PHF14: variants seen among roughly 807,000 people sequenced by gnomAD.
The protein encoded by PHF14 is PHD finger protein 14.
In PHF14, 55 loss-of-function variants were observed where a neutral mutation model predicts 117.9. The observed-to-expected ratio is 0.47, with a 90% CI of 0.38 to 0.58. The LOEUF (loss-of-function observed/expected upper bound fraction) is 0.58, where lower values mean the gene tolerates loss of function less well. PHF14 is among the 20% of genes least tolerant of loss of function. The probability of loss-of-function intolerance (pLI) is 0.00; values close to 1 mark genes in which losing one functional copy is unlikely to be tolerated. For synonymous variants in PHF14, 409 were observed against 368.6 expected (o/e 1.11, Z -1.26); for missense variants, 978 against 1,122.2 (o/e 0.87, Z 1.84).
chr7:11,113,201 A>G (rs779401364), intron 17 of PHF14, among the ~76,000 whole-genome samples: 6 of 152,086 alleles, frequency 3.9e-5, no homozygotes, highest in Admixed American at 1.3e-4. Context: ...TACTATAAAT[A>G]TGTAGTATTA....
At position 11,007,312 on chromosome 7, in the gene PHF14, C is replaced by T. The variant is rs193125172; in HGVS notation, c.1046-6435C>T. ...TGTTATATGTGTTGCAAATATTTTC[C>T]ATCCTTGCAAATGTTTTTTATGTTT... is the stretch of plus-strand genomic sequence containing the variant. On this transcript the variant is annotated intron_variant, in intron 4 of 17. Transcript: ENST00000634607. Among the ~76,000 whole-genome samples, 23 of 151,774 alleles carry T rather than the reference C, an allele frequency of 1.5e-4. No homozygotes were observed. In the East Asian group the frequency reaches 3.9e-3, roughly 25 times the overall value.
intron 16 of PHF14, chr7:11,107,507 C>A: frequency 1.1e-6 from 1 of 875,758 alleles, no homozygotes; most frequent in Non-Finnish European, 1.4e-6. Flanking sequence ...ATTGGGATTC[C>A]TTTATGCTCT....
At position 11,042,779 on chromosome 7, in the gene PHF14, T is replaced by A; in HGVS notation, c.2277T>A (p.Leu759=). The A allele has an allele frequency of 6.3e-7, 1 of 1,587,262 alleles. No homozygotes were observed. The change falls in exon 13 of 18, where the codon CTT becomes CTA. Residue 759 remains leucine (L), a synonymous_variant. Transcript: ENST00000634607. ...ATCTTGGATGTCTGGATCCTCCTCTTACAAGGATGCCAAGAAAGACCAAAA... is the reference window on the plus strand; with the variant it reads ...ATCTTGGATGTCTGGATCCTCCTCTAACAAGGATGCCAAGAAAGACCAAAA... ...HYHLGCLDPP[L]TRMPRKTKNS...
At chr7:11,047,311 G>T (rs1410655057) in intron 13 of PHF14, among the ~76,000 whole-genome samples, 1 of 151,764 alleles carries the variant, frequency 6.6e-6, no homozygotes, top group Non-Finnish European at 1.5e-5. Flanking sequence ...CTCATGATCC[G>T]CCTGCCTTGG....
chr7:10,985,716 G>C (rs1782201742), intron 3 of PHF14, among the ~76,000 whole-genome samples: 1 of 121,350 alleles, frequency 8.2e-6, no homozygotes, highest in South Asian at 2.9e-4. Flanking sequence ...ACAGTGGCAT[G>C]ATCTCGGCTC....
intron 3 of PHF14, among the ~76,000 whole-genome samples, chr7:10,986,183 T>A (rs1782222375): frequency 6.6e-6 from 1 of 150,406 alleles, no homozygotes; most frequent in Non-Finnish European, 1.5e-5. Flanking sequence ...GGTATATCAC[T>A]ATGTTGCCCA....
chr7:11,077,684 G>A (rs1278684649), intron 16 of PHF14, among the ~76,000 whole-genome samples: 2 of 149,962 alleles, frequency 1.3e-5, no homozygotes, highest in Non-Finnish European at 1.5e-5. Context: ...GATATACCTC[G>A]TACATAGTCT....
Position 11,130,570 on chromosome 7 carries a change from A to G in PHF14, c.2772+19103A>G, listed in dbSNP as rs1788065787. Among the ~76,000 whole-genome samples the G allele has an allele frequency of 6.6e-6, 1 of 151,860 alleles. No homozygotes were observed. The highest frequency in any genetic ancestry group is 2.4e-5 in the African/African-American group (1 of 41,390). Reference sequence around the variant, plus strand: ...ATGGAGTTAAAACTACAGATTTCCCATATGCCCCCTCATCCCTTCCTCCTT... The same window carrying G: ...ATGGAGTTAAAACTACAGATTTCCCGTATGCCCCCTCATCCCTTCCTCCTT... On this transcript the variant is annotated intron_variant, in intron 17 of 17. Transcript: ENST00000634607. This position sits in a 1 kb window ranked among gnomAD's most constrained non-coding sequence, Gnocchi z 4.2.
intron 4 of PHF14, among the ~76,000 whole-genome samples, chr7:11,005,787 C>CTTT (rs951270672): frequency 0.019 from 1,640 of 84,506 alleles, 58 homozygotes; most frequent in African/African-American, 0.044. Context: ...AGTAAAAATT[C>CTTT]TTTTTTTTTT....
At chr7:11,060,244 T>C (rs1284924503) in intron 14 of PHF14, among the ~76,000 whole-genome samples, 1 of 152,192 alleles carries the variant, frequency 6.6e-6, no homozygotes, top group Non-Finnish European at 1.5e-5. Flanking sequence ...TAACCACTTA[T>C]AAATTTATTT....
At chr7:11,140,251 AC>A (rs1391908686) in intron 17 of PHF14, among the ~76,000 whole-genome samples, 1 of 151,842 alleles carries the variant, frequency 6.6e-6, no homozygotes, top group African/African-American at 2.4e-5. Flanking sequence ...ACATGCATAC[AC>A]CCCCACACGG....
chr7:11,159,489 T>C (rs1788962443), intron 17 of PHF14, among the ~76,000 whole-genome samples: 1 of 152,068 alleles, frequency 6.6e-6, no homozygotes, highest in Non-Finnish European at 1.5e-5. Flanking sequence ...GAGAGAAAAA[T>C]ATATATTTAA....
intron 14 of PHF14, among the ~76,000 whole-genome samples, chr7:11,054,244 A>G (rs902218341): frequency 6.6e-6 from 1 of 152,090 alleles, no homozygotes; most frequent in Non-Finnish European, 1.5e-5. Context: ...CCCACCCTAG[A>G]GCTAGTATAG....
intron 16 of PHF14, among the ~76,000 whole-genome samples, chr7:11,086,455 G>A (rs1786412999): frequency 6.6e-6 from 1 of 151,904 alleles, no homozygotes; most frequent in Non-Finnish European, 1.5e-5. Flanking sequence ...AAATAACCTC[G>A]TCTTTTTCTC....
chr7:11,022,628 T>G (rs899606174), intron 5 of PHF14, among the ~76,000 whole-genome samples: 1 of 152,200 alleles, frequency 6.6e-6, no homozygotes, highest in Non-Finnish European at 1.5e-5. Context: ...TTATAGTTGT[T>G]AGCTCTCAGT....
At chr7:11,105,190 G>A (rs1235496760) in intron 16 of PHF14, 1 of 964,452 alleles carries the variant, frequency 1.0e-6, no homozygotes, top group Non-Finnish European at 1.2e-6. Flanking sequence ...TTTAGCCTTA[G>A]CTTTTATCCA....
intron 2 of PHF14, among the ~76,000 whole-genome samples, chr7:10,978,722 C>T (rs1781951228): frequency 6.6e-6 from 1 of 152,160 alleles, no homozygotes; most frequent in African/African-American, 2.4e-5. Context: ...CCAGTAGCAT[C>T]TTTCCTACCT....
chr7:11,084,053 C>T (rs184480636), intron 16 of PHF14, among the ~76,000 whole-genome samples: 436 of 152,078 alleles, frequency 2.9e-3, no homozygotes, highest in Non-Finnish European at 4.5e-3. Context: ...TGAGAAGATA[C>T]GTTAAAGACA....
At chr7:11,038,412 CA>C (rs1015009852) in intron 10 of PHF14, among the ~76,000 whole-genome samples, 1 of 128,188 alleles carries the variant, frequency 7.8e-6, no homozygotes, top group African/African-American at 3.0e-5. Context: ...GCCTGGGCGA[CA>C]GAGTGAGACT....
Sources: allele counts gnomAD v4.1 joint callset (sites outside exome capture counted in the v4.1 genomes callset), GRCh38; gene constraint gnomAD v4.1.1; non-coding constraint Gnocchi (gnomAD v3.1); transcripts MANE v1.5; gene names NCBI Gene and HGNC (gene_info 2026-07-23, HGNC 2026-07-21).